CADM2: variants seen among roughly 807,000 people sequenced by gnomAD.
CADM2 encodes the protein immunoglobulin superfamily member 4D.
In CADM2, 12 loss-of-function variants were observed where a neutral mutation model predicts 49.8. The ratio of observed to expected loss-of-function variants is 0.24; its 90% CI spans 0.15 to 0.39. The LOEUF (loss-of-function observed/expected upper bound fraction) is 0.39, where lower values mean the gene tolerates loss of function less well. CADM2 is among the 10% of genes least tolerant of loss of function. CADM2 has a pLI of 1.00. For missense variants in CADM2, 378 were observed against 492.3 expected (o/e 0.77, Z 2.20); for synonymous variants, 214 against 175.4 (o/e 1.22, Z -1.74).
At chr3:85,882,768 T>A (rs11708377) in intron 3 of CADM2, among the ~76,000 whole-genome samples, 48,192 of 152,014 alleles carry the variant, frequency 0.32, 8,798 homozygotes, top group East Asian at 0.42. Context: ...TCAGAGCAAA[T>A]TTAAAAGCCA....
At chr3:85,499,366 T>G (rs2040026404) in intron 1 of CADM2, among the ~76,000 whole-genome samples, 1 of 152,112 alleles carries the variant, frequency 6.6e-6, no homozygotes, top group Non-Finnish European at 1.5e-5. Context: ...CTCCTACTGG[T>G]TAAGCTGCTC....
intron 1 of CADM2, among the ~76,000 whole-genome samples, chr3:85,554,657 A>G (rs1465982505): frequency 6.6e-6 from 1 of 152,106 alleles, no homozygotes. Context: ...TTGACCTGAG[A>G]TTATTTTAAT....
At position 85,961,650 on chromosome 3, in the gene CADM2, G is replaced by A; in HGVS notation, c.970+3G>A. ...GGAATATGTTCTCATTGTGCATGGTGAGTAAATTTTGGAAAACATTATATG... is the reference window on the plus strand; with the variant it reads ...GGAATATGTTCTCATTGTGCATGGTAAGTAAATTTTGGAAAACATTATATG... On this transcript the variant is annotated splice_donor_region_variant and intron_variant, in intron 8 of 9. Coordinates refer to ENST00000383699, the MANE Select transcript of CADM2 (RefSeq NM_001167675.2). 3.3e-6 allele frequency: 5 copies of A among 1,522,988 alleles called. No individual in the cohort carries two copies. Among genetic ancestry groups the A allele is most frequent in the Non-Finnish European group, 4.5e-6 (5 of 1,120,286 alleles). The allele number at this position is 1,522,988 out of a possible 1,614,324, so 94.3% of individuals were successfully genotyped here.
intron 3 of CADM2, among the ~76,000 whole-genome samples, chr3:85,824,289 C>T (rs546438308): frequency 9.9e-5 from 15 of 152,220 alleles, no homozygotes; most frequent in Admixed American, 7.2e-4. Flanking sequence ...AGTCTGATGT[C>T]ACTCATAGCC....
At chr3:85,812,717 A>T (rs1418397118) in intron 3 of CADM2, among the ~76,000 whole-genome samples, 1 of 152,004 alleles carries the variant, frequency 6.6e-6, no homozygotes, top group African/African-American at 2.4e-5. Context: ...ACACCCTGAC[A>T]GGCCTCAGTG....
At chr3:85,753,075 G>A (rs189361463) in intron 2 of CADM2, among the ~76,000 whole-genome samples, 13 of 151,820 alleles carry the variant, frequency 8.6e-5, no homozygotes, top group Admixed American at 2.0e-4. Context: ...TGATGATATC[G>A]TTTTTCCTTT....
At chr3:85,157,256 C>T (rs1232981152) in intron 1 of CADM2, among the ~76,000 whole-genome samples, 1 of 151,252 alleles carries the variant, frequency 6.6e-6, no homozygotes, top group Non-Finnish European at 1.5e-5. Context: ...TGAAAATGGC[C>T]ATACTGCCCA....
At chr3:85,220,162 G>C (rs1298983534) in intron 1 of CADM2, among the ~76,000 whole-genome samples, 2 of 151,970 alleles carry the variant, frequency 1.3e-5, no homozygotes, top group African/African-American at 4.8e-5. Context: ...CAAAATACTA[G>C]ATTTTTGTTG....
chr3:85,817,917 G>A (rs1052108180), intron 3 of CADM2, among the ~76,000 whole-genome samples: 2 of 152,064 alleles, frequency 1.3e-5, no homozygotes, highest in Non-Finnish European at 2.9e-5. Flanking sequence ...ATCAGAATGT[G>A]TTTTGAGATT....
chr3:85,870,517 C>A (rs1372201506), intron 3 of CADM2, among the ~76,000 whole-genome samples: 1 of 152,066 alleles, frequency 6.6e-6, no homozygotes, highest in Non-Finnish European at 1.5e-5. Context: ...TGTTTTCTGT[C>A]CTGTACTAGT....
chr3:85,000,425 A>G (rs755384898), intron 1 of CADM2, among the ~76,000 whole-genome samples: 59 of 151,672 alleles, frequency 3.9e-4, no homozygotes, highest in Non-Finnish European at 6.2e-4. Context: ...TATAGAGAGC[A>G]TAAGTCCTTG....
intron 3 of CADM2, among the ~76,000 whole-genome samples, chr3:85,830,215 A>C (rs895723625): frequency 2.6e-5 from 4 of 151,920 alleles, no homozygotes; most frequent in South Asian, 2.1e-4. Flanking sequence ...TAGTCTTCCT[A>C]ACATGTATAA....
At chr3:85,799,727 A>G in intron 2 of CADM2, among the ~76,000 whole-genome samples, 1 of 152,140 alleles carries the variant, frequency 6.6e-6, no homozygotes, top group East Asian at 1.9e-4. Flanking sequence ...GCAGAACAGC[A>G]AAGATTGCTG....
At chr3:85,609,714 G>T (rs1313599485) in intron 1 of CADM2, among the ~76,000 whole-genome samples, 1 of 152,098 alleles carries the variant, frequency 6.6e-6, no homozygotes, top group Non-Finnish European at 1.5e-5. Flanking sequence ...TATACTTGAA[G>T]ATTATGTCTA....
At position 85,618,278 on chromosome 3, in the gene CADM2, A is replaced by T. The variant is rs547213932; in HGVS notation, c.62-108244A>T. Among the ~76,000 whole-genome samples, 3 of 152,242 alleles carry T rather than the reference A, an allele frequency of 2.0e-5. No homozygotes were observed. In the East Asian group the frequency reaches 5.8e-4, roughly 29 times the overall value. ...AGAGGTACCTTTTTTCCCCAATAAA[A>T]GATATTGGGAATCACAATATATGAA... On this transcript the variant is annotated intron_variant, in intron 1 of 9. Transcript: ENST00000383699.
At chr3:85,710,067 TC>T (rs1409819521) in intron 1 of CADM2, among the ~76,000 whole-genome samples, 1 of 152,086 alleles carries the variant, frequency 6.6e-6, no homozygotes, top group African/African-American at 2.4e-5. Context: ...TTTTACTACA[TC>T]CACCACTGGG....
At chr3:85,949,180 A>T (rs2108581055) in intron 7 of CADM2, among the ~76,000 whole-genome samples, 1 of 151,600 alleles carries the variant, frequency 6.6e-6, no homozygotes, top group Non-Finnish European at 1.5e-5. Context: ...AATGAGTTAC[A>T]AAATCAATTT....
intron 1 of CADM2, among the ~76,000 whole-genome samples, chr3:85,313,963 T>C (rs1342378140): frequency 2.0e-5 from 3 of 152,234 alleles, no homozygotes; most frequent in Non-Finnish European, 4.4e-5. Context: ...CGATCTCGAC[T>C]CACTGCAACC....
intron 3 of CADM2, among the ~76,000 whole-genome samples, chr3:85,836,295 G>A (rs1365999959): frequency 1.3e-5 from 2 of 151,610 alleles, no homozygotes. Flanking sequence ...TTGTAAAAAT[G>A]ACCATTTGCT....
Sources: gnomAD v4.1 joint callset for allele counts (sites outside exome capture counted in the v4.1 genomes callset) on GRCh38, gnomAD v4.1.1 for gene constraint, MANE v1.5 for transcripts, NCBI Gene and HGNC (gene_info 2026-07-23, HGNC 2026-07-21) for gene names.